CYB5R1: variants seen among roughly 807,000 people sequenced by gnomAD.
CYB5R1 encodes the protein NADH-cytochrome b5 reductase 1.
Under a neutral mutation model 37.4 loss-of-function variants are expected in CYB5R1, and 32 were observed. The ratio of observed to expected loss-of-function variants is 0.86; its 90% CI spans 0.65 to 1.15. CYB5R1 has a LOEUF of 1.15. Among genes scored for constraint, CYB5R1 ranks in the 50% most tolerant of loss-of-function variants. The pLI, the probability that CYB5R1 is intolerant of heterozygous loss-of-function variation, is 0.00. For synonymous variants in CYB5R1, 159 were observed against 155.2 expected, an observed-to-expected ratio of 1.02 and a Z score of -0.18; for missense variants, 345 against 382.5, an observed-to-expected ratio of 0.90 and a Z score of 0.82.
At position 202,965,952 on chromosome 1, in the gene CYB5R1, C is replaced by G; in HGVS notation, c.280G>C (p.Val94Leu). ...YLSTRIDGSL[V>L]IRPYTPVTSD... is the part of the protein sequence containing the mutation. ...GTGACAGGAGTGTATGGCCTGATGA[C>G]CAGGCTGCCATCAATTCGGGTGGAG... Residue 94 changes from valine to leucine, a missense_variant, in exon 4 of 9, where the codon GTC (valine) becomes CTC (leucine). Transcript: ENST00000367249. 1 of 1,614,044 alleles carries G rather than the reference C, an allele frequency of 6.2e-7. No homozygotes were observed. The highest frequency in any genetic ancestry group is 1.3e-5 in the African/African-American group (1 of 75,026).
chr1:202,963,561 G>C, intron 7 of CYB5R1, 81 bp downstream of exon 7: 1 of 1,066,280 alleles, frequency 9.4e-7, no homozygotes, highest in Non-Finnish European at 1.4e-6. Flanking sequence ...CACTGGGCCA[G>C]TTCTGCCCAT....
intron 5 of CYB5R1, 166 bp downstream of exon 5, chr1:202,965,204 TG>T: frequency 1.3e-6 from 1 of 761,420 alleles, no homozygotes; most frequent in Non-Finnish European, 2.0e-6. Flanking sequence ...CTGTGGCAAA[TG>T]GGGCTGAGAA....
At chr1:202,966,046 C>T in intron 3 of CYB5R1, 53 bp from the exon 4 acceptor site, 1 of 1,114,332 alleles carries the variant, frequency 9.0e-7, no homozygotes, top group Non-Finnish European at 1.4e-6. Flanking sequence ...TGCTGCATCC[C>T]TCAAAATACT....
intron 6 of CYB5R1, 95 bp from the exon 7 acceptor site, chr1:202,963,822 C>A: frequency 2.9e-6 from 2 of 679,570 alleles, no homozygotes; most frequent in South Asian, 4.9e-5. Flanking sequence ...TCATTCTGCT[C>A]ATTCACCACT....
At chr1:202,967,088 C>T in intron 1 of CYB5R1, 103 bp downstream of exon 1, 2 of 1,493,212 alleles carry the variant, frequency 1.3e-6, no homozygotes, top group South Asian at 1.2e-5. Flanking sequence ...GCCCAGAGCC[C>T]TGCGGGGCGG....
chr1:202,962,920 A>G, intron 8 of CYB5R1, 146 bp downstream of exon 8: 1 of 952,602 alleles, frequency 1.0e-6, no homozygotes, highest in Non-Finnish European at 1.7e-6. Flanking sequence ...GAAAGGGACC[A>G]GGAGATCACT....
At chr1:202,966,224 C>G (rs981545129) in intron 3 of CYB5R1, 3 of 594,650 alleles carry the variant, frequency 5.0e-6, no homozygotes, top group Admixed American at 3.0e-5. Context: ...AGGACCTTGA[C>G]AGATGAGCCA....
intron 2 of CYB5R1, 47 bp from the exon 3 acceptor site, chr1:202,966,647 G>C (rs375755969): frequency 3.1e-6 from 5 of 1,613,684 alleles, no homozygotes; most frequent in Non-Finnish European, 4.2e-6. Context: ...GCCTGGCGCT[G>C]CCACGTCCCT....
At chr1:202,963,549 G>T in intron 7 of CYB5R1, 93 bp downstream of exon 7, 1 of 897,120 alleles carries the variant, frequency 1.1e-6, no homozygotes, top group Admixed American at 2.6e-5. Context: ...GCTAAAACAG[G>T]GCACTGGGCC....
In CYB5R1 at chr1:202,966,573, G is replaced by A. The variant is rs145377151; in HGVS notation, c.193C>T (p.Arg65Cys). The change falls in exon 3 of 9, where the codon CGC becomes TGC. Residue 65 changes from arginine (R) to cysteine (C), a missense_variant. By Grantham distance (180) the Arg-to-Cys change is radical. Transcript: ENST00000367249. ...TGGTGGGCGGTGGGCAGGGCAAAGCGGAACCTCTTGGTGTTGTGGCTCACA... is the reference window on the plus strand; with the variant it reads ...TGGTGGGCGGTGGGCAGGGCAAAGCAGAACCTCTTGGTGTTGTGGCTCACA... ...TTVSHNTKRF[R>C]FALPTAHHTL... 4 of 1,614,056 alleles carry A rather than the reference G, an allele frequency of 2.5e-6. No individual in the cohort carries two copies. The Admixed American group carries it at 5.0e-5, about 20-fold the overall frequency.
chr1:202,965,341 GA>G (rs777913054), intron 5 of CYB5R1, 29 bp downstream of exon 5: 25 of 1,543,362 alleles, frequency 1.6e-5, no homozygotes, highest in Non-Finnish European at 2.1e-5. Flanking sequence ...TAAAGTGGGA[GA>G]CAGGCTCAAG....
At chr1:202,967,135 G>A in intron 1 of CYB5R1, 56 bp downstream of exon 1, 1 of 1,589,490 alleles carries the variant, frequency 6.3e-7, no homozygotes, top group Admixed American at 1.7e-5. Context: ...GAGCTGAGTG[G>A]CCAGAACCAG....
At chr1:202,962,924 G>T in intron 8 of CYB5R1, 142 bp downstream of exon 8, 3 of 958,550 alleles carry the variant, frequency 3.1e-6, no homozygotes, top group East Asian at 2.4e-5. Context: ...GGGACCAGGA[G>T]ATCACTGTGT....
At chr1:202,965,248 AGAAG>A (rs1282537398) in intron 5 of CYB5R1, 119 bp downstream of exon 5, 31 of 1,176,174 alleles carry the variant, frequency 2.6e-5, no homozygotes, top group Non-Finnish European at 3.3e-5. Context: ...CGCTATGTTT[AGAAG>A]GAAGGGCGGC....
rs1482301179 is a variant in CYB5R1, at chr1:202,962,589, G to A, written c.856C>T (p.Leu286=). ...LLCGPPPMVQ[L]ACHPNLDKLG... ...TTGTCCAAGTTGGGATGGCAGGCCA[G>A]CTGCACCATTGGGGGTGGCCCACAA... Residue 286 remains leucine, a synonymous_variant, in exon 9 of 9, where the codon CTG becomes TTG. Transcript: ENST00000367249. 1.9e-6 allele frequency: 3 copies of A among 1,613,976 alleles called. No homozygotes were observed. In the South Asian group the frequency reaches 3.3e-5, roughly 18 times the overall value.
chr1:202,967,109 G>C, intron 1 of CYB5R1, 82 bp downstream of exon 1: 1 of 1,526,968 alleles, frequency 6.5e-7, no homozygotes. Context: ...GGTCGGCAGC[G>C]ACAGCCCCTG....
chr1:202,962,843 C>T, intron 8 of CYB5R1, 144 bp from the exon 9 acceptor site: 3 of 1,095,696 alleles, frequency 2.7e-6, no homozygotes, highest in Non-Finnish European at 4.1e-6. Context: ...TATACTCAGC[C>T]TGCCTCAAGC....
Position 202,964,745 on chromosome 1 carries a change from A to C in CYB5R1, c.476-50T>G, listed in dbSNP as rs199539423. ...GTGGAAGAATAAAGTCAATACAGCG[A>C]ACTTAGAAAACAAATGCAGAGTTGA... On this transcript the variant is annotated intron_variant, in intron 5 of 8. Coordinates refer to ENST00000367249, the MANE Select transcript of CYB5R1 (RefSeq NM_016243.3). The C allele has an allele frequency of 3.4e-5, 45 of 1,333,226 alleles. No homozygotes were observed. The East Asian group carries it at 9.9e-4, about 29-fold the overall frequency. 82.6% of individuals were successfully genotyped at this position (1,333,226 alleles called of 1,614,324 possible). A position where few individuals can be genotyped will look rare whatever the true frequency, so the allele number is the denominator to read the frequency against.
intron 7 of CYB5R1, 83 bp downstream of exon 7, chr1:202,963,559 C>G (rs557917528): frequency 6.8e-5 from 69 of 1,012,520 alleles, no homozygotes; most frequent in Non-Finnish European, 9.3e-5. Context: ...GGCACTGGGC[C>G]AGTTCTGCCC....
Sources: gnomAD v4.1 joint callset for allele counts on GRCh38, gnomAD v4.1.1 for gene constraint, MANE v1.5 for transcripts, NCBI Gene and HGNC (gene_info 2026-07-23, HGNC 2026-07-21) for gene names.